ROBO2: variants seen among roughly 807,000 people sequenced by gnomAD.
ROBO2 encodes the protein roundabout guidance receptor 2.
ROBO2 carries 53 observed loss-of-function variants against 160.8 expected under a neutral mutation model. The ratio of observed to expected loss-of-function variants is 0.33; its 90% CI spans 0.26 to 0.41. ROBO2 has a LOEUF of 0.41. ROBO2 is among the 10% of genes least tolerant of loss of function. ROBO2 has a pLI of 1.00. For synonymous variants in ROBO2, 664 were observed against 611.7 expected, an observed-to-expected ratio of 1.09 and a Z score of -1.26; for missense variants, 1,577 against 1,722.4, an observed-to-expected ratio of 0.92 and a Z score of 1.49.
In ROBO2 at chr3:76,375,667, A is replaced by C. The variant is rs143898800; in HGVS notation, c.109+438065A>C. 2.1e-3 allele frequency among the ~76,000 whole-genome samples: 322 copies of C among 152,170 alleles called. 8 individuals are homozygous for C. The East Asian group carries it at 0.054, about 25-fold the overall frequency. On this transcript the variant is annotated intron_variant, in intron 2 of 26. Transcript: ENST00000487694. Reference sequence around the variant, plus strand: ...TGAATTAATGAGGCACTTACATAACATAGAAGATAGATTAAAAAAAACTAG... The same window carrying C: ...TGAATTAATGAGGCACTTACATAACCTAGAAGATAGATTAAAAAAAACTAG...
intron 2 of ROBO2, among the ~76,000 whole-genome samples, chr3:77,156,818 T>A (rs2078055018): frequency 6.6e-6 from 1 of 151,352 alleles, no homozygotes; most frequent in East Asian, 1.9e-4. Context: ...GTATAAAAAA[T>A]AGAATTAAGC....
chr3:76,933,781 A>G (rs1414667936), intron 2 of ROBO2, among the ~76,000 whole-genome samples: 1 of 152,212 alleles, frequency 6.6e-6, no homozygotes, highest in African/African-American at 2.4e-5. Flanking sequence ...AATGAAGAAT[A>G]GATGTGCAGT....
At chr3:76,671,716 C>A (rs2593867) in intron 2 of ROBO2, among the ~76,000 whole-genome samples, 119,431 of 151,554 alleles carry the variant, frequency 0.79, 47,283 homozygotes, top group South Asian at 0.92. Flanking sequence ...GAAAATACAT[C>A]TTTTTGAAAA....
At chr3:76,603,576 C>A (rs1367842760) in intron 2 of ROBO2, among the ~76,000 whole-genome samples, 1 of 151,166 alleles carries the variant, frequency 6.6e-6, no homozygotes, top group Non-Finnish European at 1.5e-5. Flanking sequence ...TAAAAGATGG[C>A]TTGAAGTTTT....
chr3:76,507,524 T>C (rs1440335135), intron 2 of ROBO2, among the ~76,000 whole-genome samples: 1 of 152,118 alleles, frequency 6.6e-6, no homozygotes, highest in African/African-American at 2.4e-5. Flanking sequence ...TGAAGTTCCC[T>C]TTACAGAGAA....
chr3:77,208,026 A>G lies in ROBO2; in HGVS notation c.388+109686A>G, dbSNP rs72893207. Among the ~76,000 whole-genome samples, 1,095 of 152,314 alleles carry G rather than the reference A, an allele frequency of 7.2e-3. 12 individuals are homozygous for G. The highest frequency in any genetic ancestry group is 0.024 in the African/African-American group (1,003 of 41,570). ...AGGAATTGGCTCAGATAAAGGATCT[A>G]TCCTGAGCGCTCTCCTGTAAAGAGT... On this transcript the variant is annotated intron_variant, in intron 2 of 25. Coordinates refer to ENST00000461745, the Ensembl canonical transcript of ROBO2.
At chr3:76,403,688 C>A (rs1236655653) in intron 2 of ROBO2, among the ~76,000 whole-genome samples, 1 of 151,558 alleles carries the variant, frequency 6.6e-6, no homozygotes, top group African/African-American at 2.4e-5. Flanking sequence ...TAAGACAATA[C>A]TGAACACAGC....
At chr3:77,407,780 GC>G (rs2076373030) in intron 2 of ROBO2, among the ~76,000 whole-genome samples, 1 of 152,156 alleles carries the variant, frequency 6.6e-6, no homozygotes, top group Admixed American at 6.5e-5. Context: ...TTTTAAAGTT[GC>G]CTTATTCATT....
At chr3:77,202,313 T>C (rs2082989411) in intron 2 of ROBO2, among the ~76,000 whole-genome samples, 1 of 152,186 alleles carries the variant, frequency 6.6e-6, no homozygotes, top group South Asian at 2.1e-4. Context: ...TTCTACCTCA[T>C]GATACTTTAT....
intron 2 of ROBO2, among the ~76,000 whole-genome samples, chr3:77,230,053 T>A (rs988955790): frequency 3.3e-5 from 5 of 152,142 alleles, no homozygotes; most frequent in African/African-American, 1.2e-4. Flanking sequence ...GGGAAGTGTA[T>A]CTTTTACTCT....
intron 2 of ROBO2, among the ~76,000 whole-genome samples, chr3:76,873,712 C>T (rs904049368): frequency 2.0e-5 from 3 of 152,190 alleles, no homozygotes; most frequent in Non-Finnish European, 2.9e-5. Flanking sequence ...ATTGCAGGCA[C>T]TCTCTAACCT....
intron 2 of ROBO2, among the ~76,000 whole-genome samples, chr3:76,298,227 A>G (rs17140627): frequency 0.01 from 1,579 of 152,282 alleles, 17 homozygotes; most frequent in African/African-American, 0.032. Context: ...TGTAGAAGGT[A>G]GAAAGATGAG....
chr3:76,594,378 T>C (rs2086610650), intron 2 of ROBO2, among the ~76,000 whole-genome samples: 1 of 151,940 alleles, frequency 6.6e-6, no homozygotes, highest in African/African-American at 2.4e-5. Flanking sequence ...GTTATTATCA[T>C]CATTTGGGTT....
intron 2 of ROBO2, among the ~76,000 whole-genome samples, chr3:75,956,836 T>A (rs1948737838): frequency 6.6e-6 from 1 of 151,792 alleles, no homozygotes. Flanking sequence ...CCATTCGCAT[T>A]GGCCCACTTT....
At chr3:75,919,402 G>A (rs928839909) in intron 1 of ROBO2, among the ~76,000 whole-genome samples, 9 of 152,130 alleles carry the variant, frequency 5.9e-5, no homozygotes, top group African/African-American at 2.2e-4. Flanking sequence ...TGATCGTGGT[G>A]GATAAGCTTT....
intron 12 of ROBO2, among the ~76,000 whole-genome samples, chr3:77,565,709 A>G (rs1302078154): frequency 6.6e-6 from 1 of 152,128 alleles, no homozygotes; most frequent in Admixed American, 6.6e-5. Context: ...ATTTCGTTAA[A>G]TCAGATGTTT....
chr3:76,146,874 ACT>A (rs1288203497), intron 2 of ROBO2, among the ~76,000 whole-genome samples: 1 of 149,704 alleles, frequency 6.7e-6, no homozygotes, highest in Non-Finnish European at 1.5e-5. Flanking sequence ...CCACACACAC[ACT>A]CACACACACA....
chr3:76,547,002 AACTTAATT>A (rs955280327), intron 2 of ROBO2, among the ~76,000 whole-genome samples: 1 of 151,960 alleles, frequency 6.6e-6, no homozygotes, highest in African/African-American at 2.4e-5. Flanking sequence ...TTAAGAGCAA[AACTTAATT>A]ACTTAATTAC....
chr3:75,948,292 T>G (rs957401780), intron 2 of ROBO2, among the ~76,000 whole-genome samples: 3 of 152,106 alleles, frequency 2.0e-5, no homozygotes, highest in Non-Finnish European at 1.5e-5. Context: ...TAAGAAACTT[T>G]TATTTTCAAA....
Sources: gnomAD v4.1 joint callset for allele counts (sites outside exome capture counted in the v4.1 genomes callset) on GRCh38, gnomAD v4.1.1 for gene constraint, MANE v1.5 for transcripts, NCBI Gene and HGNC (gene_info 2026-07-23, HGNC 2026-07-21) for gene names.